The following LHX4 variants were observed in gnomAD, a reference collection of about 807,000 sequenced individuals.
The protein encoded by LHX4 is LIM homeobox 4, also known as LIM/homeobox protein Lhx4.
In LHX4, 16 loss-of-function variants were observed where a neutral mutation model predicts 39.2. The observed-to-expected ratio is 0.41, with a 90% CI of 0.28 to 0.62. The LOEUF (loss-of-function observed/expected upper bound fraction) is 0.62, where lower values mean the gene tolerates loss of function less well. LHX4 is among the 20% of genes least tolerant of loss of function. The pLI is 0.33. For synonymous variants in LHX4, 206 were observed against 198.1 expected (o/e 1.04, Z -0.33); for missense variants, 439 against 511.9 (o/e 0.86, Z 1.37).
intron 2 of LHX4, among the ~76,000 whole-genome samples, chr1:180,257,397 A>G (rs920083062): frequency 1.5e-4 from 23 of 152,318 alleles, no homozygotes; most frequent in African/African-American, 5.5e-4. Flanking sequence ...GCTGGGAGGT[A>G]TATGTGTGAA....
At chr1:180,239,629 G>A (rs971899697) in intron 1 of LHX4, among the ~76,000 whole-genome samples, 1 of 152,218 alleles carries the variant, frequency 6.6e-6, no homozygotes. Flanking sequence ...TTGAGCACAG[G>A]TGGAAGCCAT....
At chr1:180,245,224 C>G (rs961367562) in intron 1 of LHX4, among the ~76,000 whole-genome samples, 11 of 152,236 alleles carry the variant, frequency 7.2e-5, no homozygotes, top group African/African-American at 2.7e-4. Flanking sequence ...ACCCGCTCCC[C>G]CTTGCCCTTC....
chr1:180,248,410 T>G lies in LHX4; in HGVS notation c.202T>G (p.Cys68Gly), dbSNP rs1571264822. Residue 68 changes from cysteine (C) to glycine (G), a missense_variant, in exon 2 of 6, where the codon TGC (cysteine) becomes GGC (glycine). Cys to Gly is a radical substitution (Grantham distance 159). Coordinates refer to ENST00000263726, the MANE Select transcript of LHX4 (RefSeq NM_033343.4). ...CTGCCAGATGCAGCTGGCGGACAGG[T>G]GCTTCTCCAGGGCTGGGAGCGTCTA... is the stretch of plus-strand genomic sequence containing the variant. ...ADCQMQLADR[C>G]FSRAGSVYCK... 1 of 1,614,168 alleles carries G rather than the reference T, an allele frequency of 6.2e-7. No homozygotes were observed. The highest frequency in any genetic ancestry group is 2.2e-5 in the East Asian group (1 of 44,884).
chr1:180,262,129 C>G (rs2149261724), intron 2 of LHX4, among the ~76,000 whole-genome samples: 1 of 152,250 alleles, frequency 6.6e-6, no homozygotes, highest in African/African-American at 2.4e-5. Flanking sequence ...ATTCTCTATT[C>G]TATCCTGGGT....
chr1:180,244,295 A>G (rs12756261), intron 1 of LHX4, among the ~76,000 whole-genome samples: 5,938 of 152,264 alleles, frequency 0.039, 166 homozygotes, highest in African/African-American at 0.077. Context: ...CACCCTTGGT[A>G]GGCCCCTTCC....
intron 5 of LHX4, 61 bp downstream of exon 5, chr1:180,272,067 C>A: frequency 6.7e-7 from 1 of 1,486,618 alleles, no homozygotes; most frequent in South Asian, 1.3e-5. Flanking sequence ...AATCTGTAAT[C>A]CCTGGCACTC....
chr1:180,252,542 G>T (rs1475568346), intron 2 of LHX4, among the ~76,000 whole-genome samples: 1 of 152,160 alleles, frequency 6.6e-6, no homozygotes, highest in Non-Finnish European at 1.5e-5. Flanking sequence ...GGGCTCATTG[G>T]TTCCCTGATT....
chr1:180,242,030 T>G (rs983928867), intron 1 of LHX4, among the ~76,000 whole-genome samples: 2 of 152,048 alleles, frequency 1.3e-5, no homozygotes, highest in African/African-American at 4.8e-5. Flanking sequence ...TTGCCCAGGC[T>G]GATCTCCCAG....
intron 3 of LHX4, chr1:180,270,937 G>T: frequency 3.8e-6 from 1 of 263,586 alleles, no homozygotes. Flanking sequence ...GTGGGGAAAT[G>T]GGAGACTCCT....
intron 1 of LHX4, among the ~76,000 whole-genome samples, chr1:180,231,061 C>T (rs1186612007): frequency 6.6e-6 from 1 of 152,076 alleles, no homozygotes; most frequent in Non-Finnish European, 1.5e-5. Context: ...GGGCTGGCGG[C>T]GGAGAAGCCC....
chr1:180,268,668 C>T (rs367914601), intron 3 of LHX4, among the ~76,000 whole-genome samples: 5 of 152,258 alleles, frequency 3.3e-5, no homozygotes, highest in African/African-American at 7.2e-5. Context: ...AAGAGACTGA[C>T]GTGGAGGAGA....
chr1:180,258,805 AAAT>A (rs1462786596), intron 2 of LHX4, among the ~76,000 whole-genome samples: 1 of 151,634 alleles, frequency 6.6e-6, no homozygotes, highest in Non-Finnish European at 1.5e-5. Flanking sequence ...CCCTGTCTCC[AAAT>A]AATAATAGTA....
intron 2 of LHX4, among the ~76,000 whole-genome samples, chr1:180,252,508 T>C (rs1262120921): frequency 2.6e-5 from 4 of 152,222 alleles, no homozygotes; most frequent in African/African-American, 9.6e-5. Context: ...TACCTCCTCC[T>C]AGCCCTGTTC....
Position 180,276,578 on chromosome 1 carries a change from G to C in LHX4, c.*1999G>C, listed in dbSNP as rs1649042559. 6.6e-6 allele frequency: 1 copy of C among 152,208 alleles called. No homozygotes were observed. Among genetic ancestry groups the C allele is most frequent in the Non-Finnish European group, 1.5e-5 (1 of 68,058 alleles). 9.4% of individuals were successfully genotyped at this position (152,208 alleles called of 1,614,324 possible). A position where few individuals can be genotyped will look rare whatever the true frequency, so the allele number is the denominator to read the frequency against. On this transcript the variant is annotated 3_prime_UTR_variant, in exon 6 of 6. Coordinates refer to ENST00000263726, the MANE Select transcript of LHX4 (RefSeq NM_033343.4). ...TCTCCAATCATGAACACTGGGGTGG[G>C]GAGGAAGACACAAATGCCATGTGAG...
At chr1:180,231,934 A>T (rs1664192933) in intron 1 of LHX4, among the ~76,000 whole-genome samples, 1 of 152,014 alleles carries the variant, frequency 6.6e-6, no homozygotes, top group African/African-American at 2.4e-5. Flanking sequence ...GCCTATTTAG[A>T]TTGTTTCTTG....
chr1:180,230,863 C>T lies in LHX4; in HGVS notation c.76+258C>T, dbSNP rs1009079020. Among the ~76,000 whole-genome samples, 2 of 152,214 alleles carry T rather than the reference C, an allele frequency of 1.3e-5. No homozygotes were observed. The highest frequency in any genetic ancestry group is 4.8e-5 in the African/African-American group (2 of 41,464). On this transcript the variant is annotated intron_variant, in intron 1 of 5. Coordinates refer to ENST00000263726, the MANE Select transcript of LHX4 (RefSeq NM_033343.4). This position sits in a 1 kb window ranked among gnomAD's most constrained non-coding sequence, Gnocchi z 5.8. Reference sequence around the variant, plus strand: ...CGAACCCCGCATCTCCAGCCCAAGGCTTTTCTTGGAACGCTGGGGAGAGTG... The same window carrying T: ...CGAACCCCGCATCTCCAGCCCAAGGTTTTTCTTGGAACGCTGGGGAGAGTG...
chr1:180,252,248 G>A lies in LHX4; in HGVS notation c.248+3792G>A, dbSNP rs77094018. ...TGGAGGTGCAGTAAGGACAGAGACC[G>A]TGCTGGGGCAGGAGGGGGCAAGCAG... On this transcript the variant is annotated intron_variant, in intron 2 of 5. Transcript: ENST00000263726. Among the ~76,000 whole-genome samples, 694 of 152,310 alleles carry A rather than the reference G, an allele frequency of 4.6e-3. 6 individuals carry two copies. Among genetic ancestry groups the A allele is most frequent in the African/African-American group, 0.014 (602 of 41,566 alleles).
chr1:180,231,588 G>A (rs1472218673), intron 1 of LHX4, among the ~76,000 whole-genome samples: 5 of 142,788 alleles, frequency 3.5e-5, no homozygotes, highest in Admixed American at 3.5e-4. Flanking sequence ...GACAAGCGCC[G>A]GGAGAGTCCT....
intron 2 of LHX4, 150 bp downstream of exon 2, chr1:180,248,606 T>G (rs1279756744): frequency 1.2e-6 from 1 of 802,760 alleles, no homozygotes; most frequent in Non-Finnish European, 2.1e-6. Context: ...GGATGCCCCT[T>G]GTTGAGGTCC....
Sources: allele counts gnomAD v4.1 joint callset (sites outside exome capture counted in the v4.1 genomes callset), GRCh38; gene constraint gnomAD v4.1.1; non-coding constraint Gnocchi (gnomAD v3.1); transcripts MANE v1.5; gene names NCBI Gene and HGNC (gene_info 2026-07-23, HGNC 2026-07-21).